The following NTRK3 variants were observed in gnomAD, a reference collection of about 807,000 sequenced individuals.
NTRK3 encodes the protein neurotrophic receptor tyrosine kinase 3.
In NTRK3, 24 loss-of-function variants were observed where a neutral mutation model predicts 91.7. That is an observed-to-expected ratio of 0.26 (90% CI 0.19 to 0.37). NTRK3 has a LOEUF of 0.37. Among genes scored for constraint, NTRK3 ranks in the 10% least tolerant of loss-of-function variants. The pLI, the probability that NTRK3 is intolerant of heterozygous loss-of-function variation, is 1.00. For synonymous variants in NTRK3, 483 were observed against 404.0 expected, an observed-to-expected ratio of 1.20 and a Z score of -2.34; for missense variants, 880 against 1,068.9, an observed-to-expected ratio of 0.82 and a Z score of 2.46.
chr15:88,139,754 C>A (rs912899054), intron 6 of NTRK3, among the ~76,000 whole-genome samples: 2 of 152,220 alleles, frequency 1.3e-5, no homozygotes, highest in African/African-American at 4.8e-5. Context: ...GGCTGGTGTG[C>A]AAGACAGCAC....
chr15:88,193,586 G>A (rs2047579873), intron 3 of NTRK3, among the ~76,000 whole-genome samples: 1 of 152,186 alleles, frequency 6.6e-6, no homozygotes, highest in Non-Finnish European at 1.5e-5. Flanking sequence ...AGGAGGCTGT[G>A]GTTCCAGTGT....
At chr15:88,078,333 C>T (rs1219422889) in intron 13 of NTRK3, among the ~76,000 whole-genome samples, 7 of 152,268 alleles carry the variant, frequency 4.6e-5, no homozygotes, top group Middle Eastern at 6.8e-3. Flanking sequence ...CCAACAGGTG[C>T]TTCGATAATA....
intron 13 of NTRK3, among the ~76,000 whole-genome samples, chr15:88,035,063 TAA>T (rs1278751961): frequency 1.3e-5 from 2 of 151,970 alleles, no homozygotes; most frequent in Admixed American, 1.3e-4. Flanking sequence ...AAAGTGGTGA[TAA>T]GAGAAAATAA....
At chr15:87,876,207 A>G (rs773575584) in exon 19 of NTRK3, 6 of 233,076 alleles carry the variant, frequency 2.6e-5, no homozygotes, top group Non-Finnish European at 5.1e-5. Flanking sequence ...AGCTCTTGTC[A>G]TGGTTTTGTG....
exon 9 of NTRK3, chr15:88,135,978 C>G (rs747005950): frequency 6.2e-7 from 1 of 1,614,246 alleles, no homozygotes; most frequent in Non-Finnish European, 8.5e-7. Context: ...AGCCATTGTC[C>G]TCACTCGTCA....
chr15:87,902,585 C>T (rs2066518108), intron 17 of NTRK3, among the ~76,000 whole-genome samples: 1 of 152,114 alleles, frequency 6.6e-6, no homozygotes, highest in Admixed American at 6.5e-5. Flanking sequence ...AAGCAACAGG[C>T]TCTACATGGT....
intron 3 of NTRK3, among the ~76,000 whole-genome samples, chr15:88,254,685 C>T (rs543267247): frequency 3.0e-4 from 45 of 152,182 alleles, no homozygotes; most frequent in Non-Finnish European, 5.1e-4. Flanking sequence ...GGTCCGGCCC[C>T]CTTAAGTCCG....
At chr15:87,953,671 C>G (rs1342305468) in intron 14 of NTRK3, among the ~76,000 whole-genome samples, 1 of 152,142 alleles carries the variant, frequency 6.6e-6, no homozygotes, top group Admixed American at 6.5e-5. Context: ...GCATCAGCCT[C>G]AGGAACCCAC....
intron 13 of NTRK3, among the ~76,000 whole-genome samples, chr15:88,064,943 A>G (rs1042697231): frequency 1.3e-5 from 2 of 152,238 alleles, no homozygotes; most frequent in Admixed American, 6.5e-5. Context: ...CTAAGCACAG[A>G]GATCTCATCT....
intron 14 of NTRK3, among the ~76,000 whole-genome samples, chr15:87,999,826 G>A (rs568411376): frequency 3.3e-5 from 5 of 152,144 alleles, no homozygotes; most frequent in East Asian, 1.9e-4. Flanking sequence ...GGAGGGAGGA[G>A]GTATTTCTAT....
rs544003911 is a variant in NTRK3, at chr15:87,954,998, C to T, written c.1586-14245G>A. ...TGGGCATTCCCAGCTCTGCTACTAA[C>T]TAGCTATGTGACACCAGACATCTTA... On this transcript the variant is annotated intron_variant, in intron 14 of 18. Transcript: ENST00000394480. Among the ~76,000 whole-genome samples, 4 of 152,300 alleles carry T rather than the reference C, an allele frequency of 2.6e-5. No individual in the cohort carries two copies. In the South Asian group the frequency reaches 8.3e-4, roughly 32 times the overall value.
intron 10 of NTRK3, among the ~76,000 whole-genome samples, chr15:88,130,693 C>CA (rs2041245198): frequency 6.6e-6 from 1 of 151,994 alleles, no homozygotes; most frequent in Non-Finnish European, 1.5e-5. Context: ...AGACAGTCTA[C>CA]AAAAAAACTA....
intron 14 of NTRK3, among the ~76,000 whole-genome samples, chr15:87,985,972 G>A (rs936852910): frequency 1.3e-5 from 2 of 152,172 alleles, no homozygotes; most frequent in African/African-American, 4.8e-5. Context: ...TTAGTCCCCA[G>A]AGAAAGTGAA....
chr15:88,146,117 G>C (rs2042870085), intron 6 of NTRK3, among the ~76,000 whole-genome samples: 1 of 152,172 alleles, frequency 6.6e-6, no homozygotes, highest in Admixed American at 6.5e-5. Flanking sequence ...ACAATGCCTG[G>C]CACAGAGGAA....
At chr15:88,127,438 C>T in intron 11 of NTRK3, among the ~76,000 whole-genome samples, 1 of 152,266 alleles carries the variant, frequency 6.6e-6, no homozygotes, top group East Asian at 1.9e-4. Flanking sequence ...GCTGGTGTTA[C>T]AGTTCAAGCA....
chr15:88,161,857 TG>T (rs1021466364), intron 5 of NTRK3, among the ~76,000 whole-genome samples: 9 of 152,156 alleles, frequency 5.9e-5, no homozygotes, highest in African/African-American at 2.2e-4. Context: ...TGCATCGTCC[TG>T]GGGGGCTGGG....
At chr15:88,094,332 G>C (rs901926390) in intron 13 of NTRK3, among the ~76,000 whole-genome samples, 1 of 151,854 alleles carries the variant, frequency 6.6e-6, no homozygotes, top group Admixed American at 6.6e-5. Context: ...AGCCGGGCGC[G>C]GTGGCGGGCG....
rs1206531774 is a variant in NTRK3 at position 88,234,146 on chromosome 15, T to C, written c.248+21760A>G. On this transcript the variant is annotated intron_variant, in intron 3 of 18. Transcript: ENST00000394480. The surrounding 1 kb of genome is among the most constrained non-coding windows in gnomAD (Gnocchi z 6.1). ...CCTGCCAGGCAGCCTGGACCTTCAG[T>C]CAGGAGACGATGGACAGCACCCTAG... 6.6e-6 allele frequency among the ~76,000 whole-genome samples: 1 copy of C among 152,034 alleles called. No individual in the cohort carries two copies. The highest frequency in any genetic ancestry group is 2.4e-5 in the African/African-American group (1 of 41,394).
At chr15:88,060,517 G>GCGTGA (rs2046122127) in intron 13 of NTRK3, among the ~76,000 whole-genome samples, 1 of 152,106 alleles carries the variant, frequency 6.6e-6, no homozygotes, top group South Asian at 2.1e-4. Context: ...GAGGGGGCTA[G>GCGTGA]CGTGACTGAG....
Sources: gnomAD v4.1 joint callset for allele counts (sites outside exome capture counted in the v4.1 genomes callset) on GRCh38, gnomAD v4.1.1 for gene constraint, Gnocchi (gnomAD v3.1) non-coding constraint, MANE v1.5 for transcripts, NCBI Gene and HGNC (gene_info 2026-07-23, HGNC 2026-07-21) for gene names.